The following GPC3 variants were observed in gnomAD, a reference collection of about 807,000 sequenced individuals.
GPC3 encodes the protein glypican 3.
GPC3 carries 3 observed loss-of-function variants against 34.4 expected under a neutral mutation model. The observed-to-expected ratio is 0.09, with a 90% confidence interval of 0.04 to 0.23. The LOEUF is 0.23. Ranked by LOEUF, GPC3 falls within the 10% of genes least tolerant of loss-of-function variation. The pLI is 1.00. For missense variants in GPC3, 351 were observed against 445.6 expected, an observed-to-expected ratio of 0.79 and a Z score of 1.91; for synonymous variants, 177 against 174.0, an observed-to-expected ratio of 1.02 and a Z score of -0.13.
intron 3 of GPC3, among the ~76,000 whole-genome samples, chrX:133,714,200 A>G (rs1332917873): frequency 8.9e-6 from 1 of 111,971 alleles, no homozygotes; most frequent in African/African-American, 3.2e-5. Flanking sequence ...TTGTGAGACC[A>G]AATTTTCCTC....
intron 3 of GPC3, chrX:133,704,256 T>C: frequency 9.2e-7 from 1 of 1,086,298 alleles, no homozygotes; most frequent in South Asian, 2.2e-5. Context: ...TGAAGTGCCA[T>C]ATTTTCTTCT....
chrX:133,719,650 A>T (rs2071344495), intron 3 of GPC3, among the ~76,000 whole-genome samples: 2 of 112,025 alleles, frequency 1.8e-5, no homozygotes, highest in South Asian at 7.3e-4. Flanking sequence ...AAAAATAAAA[A>T]AAAGGAAATT....
At chrX:133,673,668 GCC>G (rs1184547331) in intron 5 of GPC3, among the ~76,000 whole-genome samples, 2 of 112,132 alleles carry the variant, frequency 1.8e-5, no homozygotes, top group African/African-American at 6.5e-5. Flanking sequence ...CAAAGCTGGT[GCC>G]CCCACCTGCT....
intron 2 of GPC3, among the ~76,000 whole-genome samples, chrX:133,919,310 T>C (rs2076237342): frequency 8.9e-6 from 1 of 112,089 alleles, no homozygotes; most frequent in Admixed American, 9.5e-5. Flanking sequence ...TCACTTGTTT[T>C]CACAACCCCT....
chrX:133,775,416 C>T (rs182502671), intron 2 of GPC3, among the ~76,000 whole-genome samples: 1 of 111,421 alleles, frequency 9.0e-6, no homozygotes, highest in African/African-American at 3.3e-5. Context: ...CTTGGGGAGG[C>T]CCCTGTAAGT....
chrX:133,782,317 G>A (rs2072055747), intron 2 of GPC3, among the ~76,000 whole-genome samples: 1 of 111,989 alleles, frequency 8.9e-6, no homozygotes, highest in Admixed American at 9.5e-5. Flanking sequence ...TAATAGAAAG[G>A]TGACTATCTG....
At chrX:133,658,934 C>A (rs1049762963) in intron 6 of GPC3, among the ~76,000 whole-genome samples, 1 of 111,483 alleles carries the variant, frequency 9.0e-6, no homozygotes, top group Non-Finnish European at 1.9e-5. Flanking sequence ...TCAAAGGGAT[C>A]TACAAACATA....
intron 2 of GPC3, among the ~76,000 whole-genome samples, chrX:133,781,777 A>T (rs929953430): frequency 9.0e-6 from 1 of 110,781 alleles, no homozygotes; most frequent in Admixed American, 9.5e-5. Flanking sequence ...TTTAGCCTCA[A>T]CTCCTGTGTT....
intron 2 of GPC3, among the ~76,000 whole-genome samples, chrX:133,860,277 G>A (rs1473458950): frequency 9.0e-6 from 1 of 111,125 alleles, no homozygotes; most frequent in Non-Finnish European, 1.9e-5. Flanking sequence ...TATTAGTACC[G>A]TTTTTTTCCC....
intron 2 of GPC3, among the ~76,000 whole-genome samples, chrX:133,931,639 C>T (rs990859062): frequency 1.8e-5 from 2 of 111,889 alleles, no homozygotes; most frequent in Admixed American, 9.5e-5. Context: ...TTAAAACCCT[C>T]TAGCATAGTG....
chrX:133,971,129 A>G (rs180772541), intron 1 of GPC3, among the ~76,000 whole-genome samples: 2 of 112,335 alleles, frequency 1.8e-5, no homozygotes, highest in East Asian at 5.6e-4. Context: ...AAAGCATTCA[A>G]TGTAAGAAAA....
intron 4 of GPC3, among the ~76,000 whole-genome samples, chrX:133,699,115 G>C (rs747677950): frequency 9.0e-6 from 1 of 111,650 alleles, no homozygotes; most frequent in East Asian, 2.8e-4. Context: ...GGCCACGTGT[G>C]GTGGCTCACG....
intron 2 of GPC3, among the ~76,000 whole-genome samples, chrX:133,766,483 T>A (rs757493947): frequency 2.9e-4 from 32 of 112,190 alleles, no homozygotes; most frequent in African/African-American, 9.0e-4. Flanking sequence ...CTGGGACTCT[T>A]TTATAGCTTA....
intron 2 of GPC3, among the ~76,000 whole-genome samples, chrX:133,852,479 G>C (rs2075878350): frequency 1.8e-5 from 2 of 112,494 alleles, no homozygotes; most frequent in Admixed American, 9.4e-5. Context: ...ATCCAGTCAA[G>C]ATTTCCTCAT....
intron 1 of GPC3, among the ~76,000 whole-genome samples, chrX:133,968,963 T>A (rs752508212): frequency 1.2e-3 from 130 of 110,803 alleles, no homozygotes; most frequent in Non-Finnish European, 1.1e-3. Flanking sequence ...CTAAATTAAA[T>A]TTGTATAATG....
chrX:133,971,047 T>C (rs921933956), intron 1 of GPC3, among the ~76,000 whole-genome samples: 1 of 112,351 alleles, frequency 8.9e-6, no homozygotes, highest in Non-Finnish European at 1.9e-5. Context: ...TTGGTTAGCT[T>C]ACAAGGTAGG....
Position 133,682,025 on chromosome X carries a change from C to T in GPC3, c.1292+10344G>A, listed in dbSNP as rs765184699. On this transcript the variant is annotated intron_variant, in intron 5 of 7. Coordinates refer to ENST00000370818, the MANE Select transcript of GPC3 (RefSeq NM_004484.4). Reference sequence around the variant, plus strand: ...ATATAAAGTCATGACAGATTTCAAACTTGTATAAATCTACCAGAATGTATG... The same window carrying T: ...ATATAAAGTCATGACAGATTTCAAATTTGTATAAATCTACCAGAATGTATG... 8.9e-5 allele frequency among the ~76,000 whole-genome samples: 10 copies of T among 112,024 alleles called. No homozygotes were observed. The South Asian group carries it at 3.8e-3, about 42-fold the overall frequency.
At chrX:133,540,932 G>T (rs2069335997) in intron 7 of GPC3, among the ~76,000 whole-genome samples, 1 of 107,105 alleles carries the variant, frequency 9.3e-6, no homozygotes, top group Non-Finnish European at 1.9e-5. Flanking sequence ...GTGTGTGTGT[G>T]TGTGTGTGTG....
rs190529264 is a variant in GPC3 at position 133,808,939 on chromosome X, T to C, written c.338-54763A>G. On this transcript the variant is annotated intron_variant, in intron 2 of 7. Transcript: ENST00000370818. ...CAAGGACAAGACACATATATAGACA[T>C]AGGCATGTTCCAAATGCATTAGAAA... 7.1e-4 allele frequency among the ~76,000 whole-genome samples: 80 copies of C among 112,217 alleles called. No homozygotes were observed. The East Asian group carries it at 9.0e-3, about 13-fold the overall frequency.
Sources: gnomAD v4.1 joint callset for allele counts (sites outside exome capture counted in the v4.1 genomes callset) on GRCh38, gnomAD v4.1.1 for gene constraint, MANE v1.5 for transcripts, NCBI Gene and HGNC (gene_info 2026-07-23, HGNC 2026-07-21) for gene names.